The following CGNL1 variants were observed in gnomAD, a reference collection of about 807,000 sequenced individuals.
CGNL1 encodes cingulin-like protein 1.
CGNL1 carries 132 observed loss-of-function variants against 141.2 expected under a neutral mutation model. The ratio of observed to expected loss-of-function variants is 0.93; its 90% CI spans 0.81 to 1.08. The LOEUF (loss-of-function observed/expected upper bound fraction) is 1.08, where lower values mean the gene tolerates loss of function less well. CGNL1 is among the 50% of genes least tolerant of loss of function. The probability of loss-of-function intolerance (pLI) is 0.00; values close to 1 mark genes in which losing one functional copy is unlikely to be tolerated. For synonymous variants in CGNL1, 690 were observed against 622.1 expected (o/e 1.11, Z -1.63); for missense variants, 1,870 against 1,588.6 (o/e 1.18, Z -3.01).
chr15:57,463,976 T>A (rs2152335650), intron 8 of CGNL1, among the ~76,000 whole-genome samples: 1 of 152,308 alleles, frequency 6.6e-6, no homozygotes, highest in East Asian at 1.9e-4. Flanking sequence ...TGGCCATTCT[T>A]CTACTGTAGT....
chr15:57,452,615 TG>T (rs2063335020), intron 6 of CGNL1, among the ~76,000 whole-genome samples: 2 of 152,252 alleles, frequency 1.3e-5, no homozygotes, highest in South Asian at 4.1e-4. Flanking sequence ...TCAAGGAGCC[TG>T]GGCCCAGCTT....
At position 57,453,702 on chromosome 15, in the gene CGNL1, G is replaced by T; in HGVS notation, c.2074G>T (p.Glu692Ter). 2 of 1,613,854 alleles carry T rather than the reference G, an allele frequency of 1.2e-6. No homozygotes were observed. The highest frequency in any genetic ancestry group is 2.2e-5 in the East Asian group (1 of 44,854). The change falls in exon 7 of 19, where the codon GAA becomes TAA. Residue 692 changes from glutamate to a stop codon, truncating the protein, a stop_gained. Transcript: ENST00000281282. LOFTEE classifies it high-confidence loss of function. ...TGCCAGGCTATTCCAGGTGAAGATG[G>T]AACGGGAGCAGCATCAGACTGAGAT... ...NLEELFQVKM[E>*]REQHQTEIRD...
intron 7 of CGNL1, among the ~76,000 whole-genome samples, chr15:57,457,985 T>C (rs939255912): frequency 1.3e-5 from 2 of 152,214 alleles, no homozygotes; most frequent in African/African-American, 4.8e-5. Flanking sequence ...AGGACCCATC[T>C]GGGTCCCATT....
intron 14 of CGNL1, among the ~76,000 whole-genome samples, chr15:57,533,188 C>T (rs2032053904): frequency 6.6e-6 from 1 of 152,174 alleles, no homozygotes; most frequent in Non-Finnish European, 1.5e-5. Flanking sequence ...GTGTTCCCTC[C>T]ACCCTCCTCA....
chr15:57,447,356 T>C (rs1202033059), intron 4 of CGNL1, among the ~76,000 whole-genome samples: 1 of 152,200 alleles, frequency 6.6e-6, no homozygotes, highest in Non-Finnish European at 1.5e-5. Context: ...TTCGTGGGCA[T>C]TGTTTGAGAA....
rs372451918 is a variant in CGNL1 at position 57,469,945 on chromosome 15, C to T, written c.2403+8053C>T. ...GTGCTAATCTCAGGATCAGTGGAATCGCTTCCCTTAAGACATGGCTAATTC... is the reference window on the plus strand; with the variant it reads ...GTGCTAATCTCAGGATCAGTGGAATTGCTTCCCTTAAGACATGGCTAATTC... On this transcript the variant is annotated intron_variant, in intron 8 of 18. Coordinates refer to ENST00000281282, the MANE Select transcript of CGNL1 (RefSeq NM_032866.5). Among the ~76,000 whole-genome samples the T allele has an allele frequency of 7.9e-5, 12 of 152,318 alleles. No homozygotes were observed. In the South Asian group the frequency reaches 8.3e-4, roughly 11 times the overall value.
At chr15:57,464,639 G>GTGCCTTGCTTTTGAATTTCTC in intron 8 of CGNL1, among the ~76,000 whole-genome samples, 2 of 151,000 alleles carry the variant, frequency 1.3e-5, no homozygotes, top group African/African-American at 4.9e-5. Flanking sequence ...TTGAATTTCT[G>GTGCCTTGCTTTTGAATTTCTC]TGCCTTGCTT....
rs149014074 is a variant in CGNL1 at position 57,465,489 on chromosome 15, C to G, written c.2403+3597C>G. 1.8e-3 allele frequency among the ~76,000 whole-genome samples: 255 copies of G among 144,898 alleles called. 8 individuals carry two copies. In the East Asian group the frequency reaches 0.021, roughly 12 times the overall value. The stretch of plus-strand genomic sequence containing the variant: ...CATTGCAACCTCCACCTCCTGGGTT[C>G]AAGTGATTCTCCTGCCCCAGCTTCC... On this transcript the variant is annotated intron_variant, in intron 8 of 18. Transcript: ENST00000281282.
intron 8 of CGNL1, among the ~76,000 whole-genome samples, chr15:57,503,809 G>A (rs138834762): frequency 1.9e-3 from 286 of 152,264 alleles, no homozygotes; most frequent in African/African-American, 6.0e-3. Flanking sequence ...ATCAGATCTC[G>A]TGAGACTTGT....
chr15:57,516,542 G>C (rs1595786859), intron 8 of CGNL1, among the ~76,000 whole-genome samples: 1 of 152,202 alleles, frequency 6.6e-6, no homozygotes, highest in Non-Finnish European at 1.5e-5. Flanking sequence ...TAGCTTGAAA[G>C]CAGCCACAGA....
At chr15:57,418,954 G>A (rs1819127513) in intron 1 of CGNL1, among the ~76,000 whole-genome samples, 2 of 151,028 alleles carry the variant, frequency 1.3e-5, no homozygotes, top group South Asian at 2.1e-4. Flanking sequence ...TTGAGACAGA[G>A]TCTTGCTCTG....
At chr15:57,405,293 C>T (rs976494744) in intron 1 of CGNL1, 9 of 152,222 alleles carry the variant, frequency 5.9e-5, no homozygotes, top group Non-Finnish European at 1.2e-4. Flanking sequence ...GTTAACATAT[C>T]ATTGTTTCCC....
chr15:57,513,253 G>GGT (rs369204678), intron 8 of CGNL1, among the ~76,000 whole-genome samples: 38,666 of 133,602 alleles, frequency 0.29, 4,380 homozygotes, highest in African/African-American at 0.3. Context: ...TGTCAATATG[G>GGT]GTGTGTGTGT....
chr15:57,441,573 T>C (rs563078570), intron 3 of CGNL1, among the ~76,000 whole-genome samples: 34 of 152,218 alleles, frequency 2.2e-4, no homozygotes, highest in African/African-American at 7.2e-4. Context: ...TTCATCATAT[T>C]GGCAAGGATA....
chr15:57,399,396 G>A (rs1288083103), intron 1 of CGNL1, among the ~76,000 whole-genome samples: 3 of 151,916 alleles, frequency 2.0e-5, no homozygotes, highest in Non-Finnish European at 4.4e-5. Context: ...AATTCTAATT[G>A]TAGTCCATAT....
chr15:57,468,361 C>A (rs1477614553), intron 8 of CGNL1, among the ~76,000 whole-genome samples: 12 of 151,410 alleles, frequency 7.9e-5, no homozygotes, highest in African/African-American at 2.4e-4. Context: ...CCACCTCAGC[C>A]TCCCAAGGAA....
At chr15:57,443,326 G>A (rs890235950) in intron 4 of CGNL1, among the ~76,000 whole-genome samples, 1 of 152,212 alleles carries the variant, frequency 6.6e-6, no homozygotes, top group Non-Finnish European at 1.5e-5. Flanking sequence ...GCCCTGGAAG[G>A]AAGCCACTCG....
At chr15:57,443,484 C>T (rs2063215258) in intron 4 of CGNL1, among the ~76,000 whole-genome samples, 1 of 152,194 alleles carries the variant, frequency 6.6e-6, no homozygotes, top group African/African-American at 2.4e-5. Flanking sequence ...TAACAGGAAA[C>T]TTGTCTGTAG....
intron 10 of CGNL1, among the ~76,000 whole-genome samples, chr15:57,522,287 G>T (rs1198617174): frequency 6.6e-6 from 1 of 152,228 alleles, no homozygotes; most frequent in Non-Finnish European, 1.5e-5. Context: ...GGCCGCTATG[G>T]GTCGTGTTTT....
Sources: gnomAD v4.1 joint callset for allele counts (sites outside exome capture counted in the v4.1 genomes callset) on GRCh38, gnomAD v4.1.1 for gene constraint, MANE v1.5 for transcripts, NCBI Gene and HGNC (gene_info 2026-07-23, HGNC 2026-07-21) for gene names.